LUC7L: variants seen among roughly 807,000 people sequenced by gnomAD.
LUC7L encodes the protein LUC7 like, also known as putative RNA-binding protein Luc7-like 1.
LUC7L carries 29 observed loss-of-function variants against 51.1 expected under a neutral mutation model. The observed-to-expected ratio is 0.57, with a 90% CI of 0.42 to 0.77. The LOEUF (loss-of-function observed/expected upper bound fraction) is 0.77. Among genes scored for constraint, LUC7L ranks in the 30% least tolerant of loss-of-function variants. The probability of loss-of-function intolerance (pLI) is 0.00; values close to 1 mark genes in which losing one functional copy is unlikely to be tolerated. For synonymous variants in LUC7L, 181 were observed against 180.7 expected (o/e 1.00, Z -0.01); for missense variants, 403 against 511.9 (o/e 0.79, Z 2.05).
At position 229,310 on chromosome 16, in the gene LUC7L, C is replaced by T. The variant is rs1232937011; in HGVS notation, c.30G>A (p.Leu10=). Residue 10 remains leucine, a synonymous_variant, in exon 1 of 10, where the codon CTG becomes CTA. Coordinates refer to ENST00000293872, the MANE Select transcript of LUC7L (RefSeq NM_201412.3). ...GAGCCGTGCCCATGAGCTGGTCCAGCAGGGCCCGCATCTGCGCCTGGGCGG... is the reference window on the plus strand; with the variant it reads ...GAGCCGTGCCCATGAGCTGGTCCAGTAGGGCCCGCATCTGCGCCTGGGCGG... MSAQAQMRA[L]LDQLMGTARD... The T allele has an allele frequency of 1.3e-6, 2 of 1,532,948 alleles. No homozygotes were observed. The highest frequency in any genetic ancestry group is 1.7e-6 in the Non-Finnish European group (2 of 1,147,020). The allele number at this position is 1,532,948 out of a possible 1,614,324, so 95.0% of individuals were successfully genotyped here. A position where few individuals can be genotyped will look rare whatever the true frequency, so the allele number is the denominator to read the frequency against.
intron 1 of LUC7L, chr16:228,856 G>A: frequency 7.7e-7 from 1 of 1,299,794 alleles, no homozygotes; most frequent in Non-Finnish European, 1.0e-6. Flanking sequence ...AGGTTTTCGA[G>A]GCCCATCCGG....
At position 220,808 on chromosome 16, in the gene LUC7L, C is replaced by T. The variant is rs191793340; in HGVS notation, c.157-61G>A. On this transcript the variant is annotated intron_variant, in intron 2 of 9. Transcript: ENST00000293872. The stretch of plus-strand genomic sequence containing the variant: ...CCTACCTACTGTAGAAAGCACACAA[C>T]GCGACTTGGTGTTTCAACTGTCACC... The T allele has an allele frequency of 5.8e-5, 62 of 1,070,152 alleles. No individual in the cohort carries two copies. The East Asian group carries it at 8.6e-4, about 15-fold the overall frequency. 66.3% of individuals were successfully genotyped at this position (1,070,152 alleles called of 1,614,324 possible). A position where few individuals can be genotyped will look rare whatever the true frequency, so the allele number is the denominator to read the frequency against.
intron 6 of LUC7L, 79 bp from the exon 7 acceptor site, chr16:193,094 A>G (rs946203840): frequency 2.4e-5 from 26 of 1,067,374 alleles, no homozygotes; most frequent in Non-Finnish European, 3.5e-5. Context: ...AATCACCTTT[A>G]TATGAGCTCA....
At chr16:195,879 T>C (rs1401686072) in intron 6 of LUC7L, among the ~76,000 whole-genome samples, 3 of 152,132 alleles carry the variant, frequency 2.0e-5, no homozygotes, top group Non-Finnish European at 2.9e-5. Context: ...ACTCTCCCTA[T>C]CATTAAGAGG....
intron 3 of LUC7L, chr16:208,600 C>T (rs892539308): frequency 2.0e-6 from 2 of 1,003,770 alleles, no homozygotes; most frequent in Non-Finnish European, 2.4e-6. Context: ...GATGTACTCA[C>T]TGGTCTTTGT....
At chr16:228,450 TA>T (rs1282250970) in intron 1 of LUC7L, 1 of 1,254,608 alleles carries the variant, frequency 8.0e-7, no homozygotes, top group African/African-American at 1.6e-5. Context: ...TTGTATGAAA[TA>T]AAAATATGGG....
At chr16:216,225 C>T (rs1055592719) in intron 3 of LUC7L, among the ~76,000 whole-genome samples, 1 of 151,976 alleles carries the variant, frequency 6.6e-6, no homozygotes, top group Non-Finnish European at 1.5e-5. Context: ...TGGTCTCGAA[C>T]TCCCGACCTC....
chr16:219,864 C>T (rs901982018), intron 3 of LUC7L, among the ~76,000 whole-genome samples: 22 of 149,424 alleles, frequency 1.5e-4, no homozygotes, highest in Admixed American at 4.0e-4. Context: ...AGTGAAACTC[C>T]GTCTCAAAAA....
intron 3 of LUC7L, among the ~76,000 whole-genome samples, chr16:212,780 AC>A (rs2049680848): frequency 6.6e-6 from 1 of 151,690 alleles, no homozygotes; most frequent in African/African-American, 2.4e-5. Flanking sequence ...AAAGAAATAT[AC>A]CTTTTTTTTT....
At chr16:222,389 C>T (rs1303763186) in intron 2 of LUC7L, among the ~76,000 whole-genome samples, 1 of 149,150 alleles carries the variant, frequency 6.7e-6, no homozygotes, top group East Asian at 2.0e-4. Flanking sequence ...GTAATCCCAA[C>T]ACCTTTGGGA....
chr16:213,652 G>A (rs1230050228), intron 3 of LUC7L, among the ~76,000 whole-genome samples: 1 of 152,082 alleles, frequency 6.6e-6, no homozygotes, highest in Admixed American at 6.5e-5. Context: ...CAATCCGTCT[G>A]CCTCGGCCTC....
chr16:214,616 CT>C (rs1470017723), intron 3 of LUC7L, among the ~76,000 whole-genome samples: 1 of 152,150 alleles, frequency 6.6e-6, no homozygotes, highest in African/African-American at 2.4e-5. Flanking sequence ...AGCCTTGATC[CT>C]CCGGGCTCAA....
At chr16:201,242 TAAAAAAAA>T (rs764945208) in intron 5 of LUC7L, among the ~76,000 whole-genome samples, 1 of 78,520 alleles carries the variant, frequency 1.3e-5, no homozygotes, top group Admixed American at 1.8e-4. Flanking sequence ...GCTACATAAC[TAAAAAAAA>T]AAAAAAAAAA....
chr16:206,236 C>A (rs551785222), intron 4 of LUC7L, 89 bp from the exon 5 acceptor site: 2 of 1,311,864 alleles, frequency 1.5e-6, no homozygotes, highest in East Asian at 2.3e-5. Flanking sequence ...CATTTCCAGT[C>A]TGAAAATAAG....
chr16:228,950 C>G (rs1366970253), intron 1 of LUC7L: 1 of 1,406,246 alleles, frequency 7.1e-7, no homozygotes, highest in South Asian at 1.2e-5. Flanking sequence ...CACGCTGATT[C>G]CAGCCCTCCG....
At chr16:220,910 T>C (rs1250330744) in intron 2 of LUC7L, among the ~76,000 whole-genome samples, 163 bp from the exon 3 acceptor site, 1 of 152,234 alleles carries the variant, frequency 6.6e-6, no homozygotes, top group African/African-American at 2.4e-5. Flanking sequence ...AGAAGCCTCA[T>C]TTCACTTTTA....
intron 6 of LUC7L, among the ~76,000 whole-genome samples, chr16:196,422 ACAAAC>A (rs1567174431): frequency 1.1e-3 from 168 of 151,864 alleles, no homozygotes; most frequent in African/African-American, 3.9e-3. Context: ...AAACAAACAA[ACAAAC>A]AAAAAAAACC....
At chr16:229,137 C>A in intron 1 of LUC7L, 142 bp downstream of exon 1, 1 of 1,405,556 alleles carries the variant, frequency 7.1e-7, no homozygotes, top group Non-Finnish European at 9.2e-7. Flanking sequence ...AGGCCCGGCG[C>A]CTGCGGTCGG....
intron 1 of LUC7L, chr16:228,029 C>T: frequency 1.8e-6 from 2 of 1,120,264 alleles, no homozygotes; most frequent in Non-Finnish European, 2.2e-6. Context: ...ATTTTATGCC[C>T]GCTGTTGAAA....
Sources: gnomAD v4.1 joint callset for allele counts (sites outside exome capture counted in the v4.1 genomes callset) on GRCh38, gnomAD v4.1.1 for gene constraint, MANE v1.5 for transcripts, NCBI Gene and HGNC (gene_info 2026-07-23, HGNC 2026-07-21) for gene names.